The following ENOX2 variants were observed in gnomAD, a reference collection of about 807,000 sequenced individuals.
ENOX2 encodes the protein APK1 antigen.
ENOX2 carries 36 observed loss-of-function variants against 45.0 expected under a neutral mutation model. The observed-to-expected ratio is 0.80, with a 90% confidence interval of 0.61 to 1.06. ENOX2 has a LOEUF of 1.06. Among genes scored for constraint, ENOX2 ranks in the 50% least tolerant of loss-of-function variants. ENOX2 has a pLI of 0.00. For missense variants in ENOX2, 423 were observed against 462.5 expected (o/e 0.91, Z 0.78); for synonymous variants, 174 against 152.3 (o/e 1.14, Z -1.05).
intron 2 of ENOX2, among the ~76,000 whole-genome samples, chrX:130,794,903 A>G (rs1020513779): frequency 1.8e-5 from 2 of 112,397 alleles, no homozygotes; most frequent in Admixed American, 1.9e-4. Flanking sequence ...TAATTAACCA[A>G]TGATGAGTTT....
chrX:130,639,099 T>C (rs781774070), intron 10 of ENOX2, among the ~76,000 whole-genome samples: 7 of 112,208 alleles, frequency 6.2e-5, no homozygotes, highest in Non-Finnish European at 1.3e-4. Flanking sequence ...TTACAGTGAA[T>C]ATCAGAGAAA....
chrX:130,881,785 G>GA (rs1213153973), intron 2 of ENOX2, among the ~76,000 whole-genome samples: 1 of 110,290 alleles, frequency 9.1e-6, no homozygotes, highest in Non-Finnish European at 1.9e-5. Context: ...CTTGCACTAG[G>GA]AAAAAAAAAC....
intron 3 of ENOX2, among the ~76,000 whole-genome samples, chrX:130,751,955 T>C (rs1011805024): frequency 8.9e-6 from 1 of 111,918 alleles, no homozygotes; most frequent in African/African-American, 3.2e-5. Flanking sequence ...TTATATGTCC[T>C]GGATACTATA....
intron 3 of ENOX2, among the ~76,000 whole-genome samples, chrX:130,736,492 T>C (rs1464633088): frequency 1.8e-5 from 2 of 112,564 alleles, no homozygotes; most frequent in African/African-American, 6.5e-5. Flanking sequence ...GGCAAACTTT[T>C]ATGTAACGGG....
At chrX:130,722,041 T>C (rs2038492063) in intron 3 of ENOX2, among the ~76,000 whole-genome samples, 1 of 111,745 alleles carries the variant, frequency 8.9e-6, no homozygotes, top group Non-Finnish European at 1.9e-5. Context: ...AAATGGCACA[T>C]TATTACATGA....
At chrX:130,842,229 G>C (rs146182705) in intron 2 of ENOX2, among the ~76,000 whole-genome samples, 1,591 of 112,547 alleles carry the variant, frequency 0.014, 11 homozygotes, top group East Asian at 0.052. Flanking sequence ...TTTAAGCAAA[G>C]CTGAGGAAAA....
chrX:130,895,404 G>T (rs909448431), intron 2 of ENOX2, among the ~76,000 whole-genome samples: 2 of 111,901 alleles, frequency 1.8e-5, no homozygotes, highest in Admixed American at 1.9e-4. Flanking sequence ...ATTAGCAGTT[G>T]TTGCTGGCTA....
At chrX:130,893,202 C>T (rs1219764951) in intron 2 of ENOX2, among the ~76,000 whole-genome samples, 1 of 112,214 alleles carries the variant, frequency 8.9e-6, no homozygotes, top group Admixed American at 9.4e-5. Flanking sequence ...TTTAAAAGTA[C>T]TTCAAACTAG....
At chrX:130,896,641 T>G (rs1569338878) in intron 2 of ENOX2, among the ~76,000 whole-genome samples, 2 of 112,305 alleles carry the variant, frequency 1.8e-5, no homozygotes, top group Admixed American at 1.9e-4. Flanking sequence ...ACCCTATCTG[T>G]AATTTCTACA....
intron 3 of ENOX2, among the ~76,000 whole-genome samples, chrX:130,706,682 T>A (rs1276986446): frequency 3.6e-5 from 4 of 111,950 alleles, no homozygotes; most frequent in Non-Finnish European, 5.6e-5. Context: ...AGAAAATTAA[T>A]TTACATTGAT....
intron 2 of ENOX2, among the ~76,000 whole-genome samples, chrX:130,861,753 A>C (rs1416925847): frequency 9.0e-6 from 1 of 111,204 alleles, no homozygotes; most frequent in Non-Finnish European, 1.9e-5. Flanking sequence ...GTATTTTAAA[A>C]ATTGCTAAGG....
chrX:130,778,557 C>T (rs1015702282), intron 3 of ENOX2, among the ~76,000 whole-genome samples: 10 of 111,949 alleles, frequency 8.9e-5, no homozygotes, highest in African/African-American at 3.2e-4. Flanking sequence ...AAAGTTATTT[C>T]TCTTCTCTAG....
At chrX:130,778,223 A>G (rs1461992981) in intron 3 of ENOX2, among the ~76,000 whole-genome samples, 1 of 111,694 alleles carries the variant, frequency 9.0e-6, no homozygotes, top group Non-Finnish European at 1.9e-5. Context: ...AGTACTCTCA[A>G]GCAGATGAGT....
rs186694299 is a variant in ENOX2 at position 130,793,635 on chromosome X, G to A, written c.-182-9945C>T. 6.3e-5 allele frequency among the ~76,000 whole-genome samples: 7 copies of A among 111,594 alleles called. No individual in the cohort carries two copies. In the East Asian group the frequency reaches 1.7e-3, roughly 27 times the overall value. ...CATTTCTCTCTAAATCCATATTTTC[G>A]TACACTCATAATGTTCTCTGTGTTT... On this transcript the variant is annotated intron_variant, in intron 2 of 14. Coordinates refer to ENST00000394363, the MANE Select transcript of ENOX2 (RefSeq NM_006375.4).
At chrX:130,638,926 G>T (rs1207175291) in intron 10 of ENOX2, among the ~76,000 whole-genome samples, 1 of 111,386 alleles carries the variant, frequency 9.0e-6, no homozygotes, top group African/African-American at 3.3e-5. Flanking sequence ...GGTGGAGGTT[G>T]CAGTGAGCTG....
intron 2 of ENOX2, among the ~76,000 whole-genome samples, chrX:130,829,181 T>C (rs1284979784): frequency 1.8e-5 from 2 of 111,294 alleles, no homozygotes; most frequent in Non-Finnish European, 3.8e-5. Context: ...AAAAGTCACC[T>C]ATTCCTCAAT....
intron 2 of ENOX2, among the ~76,000 whole-genome samples, chrX:130,830,824 CTG>C (rs1437822613): frequency 3.6e-5 from 4 of 112,181 alleles, no homozygotes; most frequent in Non-Finnish European, 5.6e-5. Context: ...TCCTAACTGG[CTG>C]TGTCATGCTT....
intron 2 of ENOX2, among the ~76,000 whole-genome samples, chrX:130,880,075 A>G (rs771600812): frequency 4.5e-5 from 5 of 111,974 alleles, no homozygotes; most frequent in African/African-American, 1.6e-4. Flanking sequence ...GTGAGGTTGG[A>G]TACAACAATG....
intron 1 of ENOX2, 134 bp downstream of exon 1, chrX:130,902,915 C>A (rs1423450881): frequency 9.2e-6 from 1 of 109,271 alleles, no homozygotes; most frequent in Non-Finnish European, 1.9e-5. Flanking sequence ...AGTCCCGATA[C>A]CCCCTCCCCT....
Sources: gnomAD v4.1 joint callset for allele counts (sites outside exome capture counted in the v4.1 genomes callset) on GRCh38, gnomAD v4.1.1 for gene constraint, MANE v1.5 for transcripts, NCBI Gene and HGNC (gene_info 2026-07-23, HGNC 2026-07-21) for gene names.